The following FSD2 variants were observed in gnomAD, a reference collection of about 807,000 sequenced individuals.
FSD2 encodes the protein fibronectin type III and SPRY domain-containing protein 2.
In FSD2, 71 loss-of-function variants were observed where a neutral mutation model predicts 80.4. The observed-to-expected ratio is 0.88, with a 90% CI of 0.73 to 1.08. The LOEUF is 1.08. Ranked by LOEUF, FSD2 falls within the 50% of genes least tolerant of loss-of-function variation. The pLI, the probability that FSD2 is intolerant of heterozygous loss-of-function variation, is 0.00. For missense variants in FSD2, 923 were observed against 913.8 expected (o/e 1.01, Z -0.13); for synonymous variants, 361 against 329.5 (o/e 1.10, Z -1.03).
rs752837620 is a variant in FSD2 at position 82,765,287 on chromosome 15, G to A, written c.1699C>T (p.Arg567Cys). Residue 567 changes from arginine to cysteine, a missense_variant, in exon 11 of 13, where the codon CGC becomes TGC. Physicochemically the swap from Arg to Cys is radical, Grantham distance 180. Coordinates refer to ENST00000334574, the MANE Select transcript of FSD2 (RefSeq NM_001007122.4). Reference sequence around the variant, plus strand: ...GGATGGCAAGTGTCCTTGTTTAGGCGAAAGTAGCTTCCTGTGGGAGGAGGA... The same window carrying A: ...GGATGGCAAGTGTCCTTGTTTAGGCAAAAGTAGCTTCCTGTGGGAGGAGGA... ...ATVHTIGSYF[R>C]LNKDTCHPWL... 6.8e-6 allele frequency: 11 copies of A among 1,613,070 alleles called. No homozygotes were observed. Among genetic ancestry groups the A allele is most frequent in the Middle Eastern group, 1.6e-4 (1 of 6,068 alleles).
chr15:82,771,318 T>C (rs1456094898), intron 7 of FSD2, among the ~76,000 whole-genome samples: 1 of 152,234 alleles, frequency 6.6e-6, no homozygotes, highest in Non-Finnish European at 1.5e-5. Flanking sequence ...TAAGTCTCTT[T>C]CCAGCAATCC....
intron 12 of FSD2, among the ~76,000 whole-genome samples, 200 bp from the exon 13 acceptor site, chr15:82,759,800 C>CTT (rs372309637): frequency 1.8e-3 from 259 of 146,842 alleles, no homozygotes; most frequent in African/African-American, 6.0e-3. Context: ...GAAACATTTT[C>CTT]TTTTTTTTTT....
chr15:82,760,758 C>CAT (rs113498889), intron 12 of FSD2, among the ~76,000 whole-genome samples: 10 of 151,884 alleles, frequency 6.6e-5, no homozygotes, highest in African/African-American at 2.4e-4. Flanking sequence ...CACACACACA[C>CAT]ACCCTACATC....
intron 1 of FSD2, among the ~76,000 whole-genome samples, chr15:82,799,363 C>G (rs114673596): frequency 6.6e-6 from 1 of 152,280 alleles, no homozygotes; most frequent in African/African-American, 2.4e-5. Context: ...CAAGTTCCTC[C>G]CCTTGGCTGC....
intron 9 of FSD2, among the ~76,000 whole-genome samples, chr15:82,767,138 G>C (rs748113072): frequency 1.1e-4 from 16 of 152,208 alleles, no homozygotes; most frequent in Admixed American, 1.3e-4. Flanking sequence ...AACAAATGTA[G>C]TTCCTGCCCT....
rs192590802 is a variant in FSD2, at chr15:82,768,891, C to G, written c.1542G>C (p.Ser514=). 1 of 1,556,688 alleles carries G rather than the reference C, an allele frequency of 6.4e-7. No homozygotes were observed. Among genetic ancestry groups the G allele is most frequent in the East Asian group, 2.3e-5 (1 of 42,704 alleles). The stretch of plus-strand genomic sequence containing the variant: ...CCCTCATGACTCACTCAGTTACACC[C>G]GAGGCTTCTGGACTTTCAGCCTGGG... The part of the protein sequence containing the change: ...ELTQAESPEA[S]GVTESVVGIP... Residue 514 remains serine, a synonymous_variant, in exon 9 of 13, where the codon TCG becomes TCC. Coordinates refer to ENST00000334574, the MANE Select transcript of FSD2 (RefSeq NM_001007122.4).
chr15:82,766,691 G>A (rs1418685079), intron 9 of FSD2, among the ~76,000 whole-genome samples: 6 of 148,850 alleles, frequency 4.0e-5, no homozygotes, highest in South Asian at 2.1e-4. Flanking sequence ...GCAGTGAACC[G>A]AGATCATCAC....
At chr15:82,794,826 G>T (rs910260287) in intron 1 of FSD2, among the ~76,000 whole-genome samples, 1 of 151,010 alleles carries the variant, frequency 6.6e-6, no homozygotes, top group African/African-American at 2.4e-5. Context: ...CCAGGTTCAC[G>T]CCATTCTCCT....
intron 1 of FSD2, among the ~76,000 whole-genome samples, chr15:82,790,573 C>A (rs372362909): frequency 3.0e-5 from 3 of 99,900 alleles, no homozygotes; most frequent in African/African-American, 1.1e-4. Context: ...TGTGTTCGTG[C>A]GTGTGTGTGT....
intron 1 of FSD2, among the ~76,000 whole-genome samples, chr15:82,805,394 G>A (rs1381763718): frequency 6.6e-6 from 1 of 152,168 alleles, no homozygotes; most frequent in Non-Finnish European, 1.5e-5. Flanking sequence ...AGCCACAGCA[G>A]TGAAAGAAAG....
At chr15:82,791,244 C>T (rs1445830340) in intron 1 of FSD2, among the ~76,000 whole-genome samples, 2 of 152,156 alleles carry the variant, frequency 1.3e-5, no homozygotes, top group South Asian at 2.1e-4. Flanking sequence ...GTGGTCCGCC[C>T]GTCTCGGCCT....
intron 12 of FSD2, 51 bp from the exon 13 acceptor site, chr15:82,759,651 T>A: frequency 3.6e-6 from 5 of 1,375,752 alleles, no homozygotes; most frequent in South Asian, 1.4e-5. Flanking sequence ...ATAGATTGAC[T>A]ATTTATAGAA....
At chr15:82,780,421 G>A (rs1337726909) in intron 4 of FSD2, among the ~76,000 whole-genome samples, 154 bp from the exon 5 acceptor site, 2 of 147,438 alleles carry the variant, frequency 1.4e-5, no homozygotes, top group African/African-American at 5.0e-5. Flanking sequence ...TGCAACCTCC[G>A]CCTCCCAGGT....
chr15:82,780,209 T>TA, intron 5 of FSD2, 36 bp downstream of exon 5: 4 of 1,452,464 alleles, frequency 2.8e-6, no homozygotes, highest in Middle Eastern at 1.7e-4. Flanking sequence ...TTGAAAAAAG[T>TA]AAAAAAAGAA....
chr15:82,766,000 C>G lies in FSD2; in HGVS notation c.1585G>C (p.Val529Leu), dbSNP rs368278916. 6.3e-7 allele frequency: 1 copy of G among 1,593,680 alleles called. No individual in the cohort carries two copies. Among genetic ancestry groups the G allele is most frequent in the Admixed American group, 1.8e-5 (1 of 57,122 alleles). The change falls in exon 10 of 13, where the codon GTG becomes CTG. Residue 529 changes from valine to leucine, a missense_variant. Coordinates refer to ENST00000334574, the MANE Select transcript of FSD2 (RefSeq NM_001007122.4). Reference protein sequence around the residue: ...SVVGIPTCESVVQLQPGRSYI... With the variant: ...SVVGIPTCESLVQLQPGRSYI... Reference sequence around the variant, plus strand: ...CTCCGCCCCGGCTGCAGCTGCACCACGGACTCGCAGGTCGGGATGCCCACA... The same window carrying G: ...CTCCGCCCCGGCTGCAGCTGCACCAGGGACTCGCAGGTCGGGATGCCCACA...
intron 1 of FSD2, among the ~76,000 whole-genome samples, chr15:82,801,472 T>C (rs891309385): frequency 3.3e-5 from 5 of 152,182 alleles, no homozygotes; most frequent in African/African-American, 1.2e-4. Flanking sequence ...GAAGTGTGAC[T>C]ACCTGGACTC....
At chr15:82,794,544 T>G (rs533627216) in intron 1 of FSD2, among the ~76,000 whole-genome samples, 1 of 152,178 alleles carries the variant, frequency 6.6e-6, no homozygotes, top group Non-Finnish European at 1.5e-5. Context: ...TCCTTGTTGA[T>G]CTTCTGCTTA....
At position 82,757,666 on chromosome 15, in the gene FSD2, T is replaced by C. The variant is rs1252157158; in HGVS notation, c.*1682A>G. On this transcript the variant is annotated 3_prime_UTR_variant, in exon 13 of 13. Transcript: ENST00000334574. ...TTTAAATATACATGATATGTATCTT[T>C]TAATTGTTTATAACTGGAACTATTT... 1 of 152,194 alleles carries C rather than the reference T, an allele frequency of 6.6e-6. No individual in the cohort carries two copies. Among genetic ancestry groups the C allele is most frequent in the African/African-American group, 2.4e-5 (1 of 41,442 alleles). 9.4% of individuals were successfully genotyped at this position (152,194 alleles called of 1,614,324 possible). A position where few individuals can be genotyped will look rare whatever the true frequency, so the allele number is the denominator to read the frequency against.
chr15:82,798,873 G>GTTTTTTTTTTTTTTTTTTTTTTTTTT (rs149986626), intron 1 of FSD2, among the ~76,000 whole-genome samples: 1 of 111,472 alleles, frequency 9.0e-6, no homozygotes. Flanking sequence ...TATCTCCACT[G>GTTTTTTTTTTTTTTTTTTTTTTTTTT]TTTTGTTTTT....
Sources: gnomAD v4.1 joint callset for allele counts (sites outside exome capture counted in the v4.1 genomes callset) on GRCh38, gnomAD v4.1.1 for gene constraint, MANE v1.5 for transcripts, NCBI Gene and HGNC (gene_info 2026-07-23, HGNC 2026-07-21) for gene names.